The following PRAG1 variants were observed in gnomAD, a reference collection of about 807,000 sequenced individuals.
The protein encoded by PRAG1 is PEAK1 related, kinase-activating pseudokinase 1.
In PRAG1, 110 loss-of-function variants were observed where a neutral mutation model predicts 95.6. The observed-to-expected ratio is 1.15, with a 90% CI of 0.99 to 1.35. The LOEUF (loss-of-function observed/expected upper bound fraction) is 1.35, where lower values mean the gene tolerates loss of function less well. Ranked by LOEUF, PRAG1 falls within the 40% of genes most tolerant of loss-of-function variation. The pLI is 0.00. For missense variants in PRAG1, 2,554 were observed against 1,864.7 expected (o/e 1.37, Z -6.81); for synonymous variants, 1,052 against 819.4 (o/e 1.28, Z -4.85).
At chr8:8,323,344 A>G (rs1798531614) in intron 5 of PRAG1, among the ~76,000 whole-genome samples, 1 of 139,110 alleles carries the variant, frequency 7.2e-6, no homozygotes, top group Non-Finnish European at 1.5e-5. Flanking sequence ...TTTGAGATAG[A>G]GTCTTGCTCT....
intron 1 of PRAG1, among the ~76,000 whole-genome samples, chr8:8,383,511 G>A (rs1800752458): frequency 6.6e-6 from 1 of 152,026 alleles, no homozygotes; most frequent in Non-Finnish European, 1.5e-5. Context: ...AGCCCAGGAG[G>A]TCAAGGCTGC....
intron 3 of PRAG1, among the ~76,000 whole-genome samples, chr8:8,363,088 C>CGT (rs938777527): frequency 3.4e-5 from 5 of 147,122 alleles, no homozygotes; most frequent in South Asian, 2.1e-4. Flanking sequence ...TATATGTGTG[C>CGT]GTGTGTATAT....
chr8:8,379,283 C>A (rs1384768880), intron 2 of PRAG1, among the ~76,000 whole-genome samples: 1 of 152,200 alleles, frequency 6.6e-6, no homozygotes, highest in Non-Finnish European at 1.5e-5. Flanking sequence ...ACTCGTTGGG[C>A]TATGAGACAG....
intron 1 of PRAG1, among the ~76,000 whole-genome samples, chr8:8,386,106 C>G (rs1476131616): frequency 6.6e-6 from 1 of 152,200 alleles, no homozygotes; most frequent in Admixed American, 6.5e-5. Context: ...CAAAAACACC[C>G]TCCAGCTCCT....
In PRAG1 at chr8:8,332,915, A is replaced by G. The variant is rs192587841; in HGVS notation, c.2321-4454T>C. ...TCTTACTGTTTGCAACGGCTGCCAC[A>G]CTCTGGATTAGGCAAGCTGGAAATA... On this transcript the variant is annotated intron_variant, in intron 4 of 5. Coordinates refer to ENST00000615670, the MANE Select transcript of PRAG1 (RefSeq NM_001080826.3). Among the ~76,000 whole-genome samples the G allele has an allele frequency of 3.7e-4, 56 of 150,858 alleles. 1 individual carries two copies. The South Asian group carries it at 8.7e-3, about 23-fold the overall frequency.
chr8:8,380,962 G>A (rs1439401857), intron 2 of PRAG1, among the ~76,000 whole-genome samples: 43 of 152,078 alleles, frequency 2.8e-4, no homozygotes, highest in Non-Finnish European at 2.9e-5. Flanking sequence ...TGTGATATCT[G>A]GGTTTGCTTT....
chr8:8,329,128 C>T (rs1321525502), intron 4 of PRAG1, among the ~76,000 whole-genome samples: 5 of 152,104 alleles, frequency 3.3e-5, no homozygotes, highest in African/African-American at 1.2e-4. Flanking sequence ...TGCGGCGGCT[C>T]ATGCTTGTAA....
At chr8:8,372,857 A>G (rs1800256177) in intron 3 of PRAG1, among the ~76,000 whole-genome samples, 1 of 152,194 alleles carries the variant, frequency 6.6e-6, no homozygotes, top group South Asian at 2.1e-4. Flanking sequence ...AAAAGAGAAA[A>G]TCATTCCCCG....
rs367672458 is a variant in PRAG1 at position 8,318,333 on chromosome 8, A to C, written c.4042T>G (p.Cys1348Gly). 1 of 1,614,072 alleles carries C rather than the reference A, an allele frequency of 6.2e-7. No homozygotes were observed. ...TCGATCCAGTTGTGCAGCGTGCCGC[A>C]CAGCGCCTCCTCCGAGGTGCCCGGC... is the stretch of plus-strand genomic sequence containing the variant. ...QQPGTSEEAL[C>G]GTLHNWIDMK... Residue 1348 changes from cysteine to glycine, a missense_variant, in exon 6 of 6, where the codon TGC becomes GGC. Cys to Gly is a radical substitution (Grantham distance 159, BLOSUM62 -3). Transcript: ENST00000615670. The surrounding 1 kb of genome is among the most constrained non-coding windows in gnomAD (Gnocchi z 4.2).
In PRAG1 at chr8:8,328,151, G is replaced by C; in HGVS notation, c.2631C>G (p.Ser877=). The change falls in exon 5 of 6, where the codon TCC becomes TCG. Residue 877 remains serine, a synonymous_variant. Transcript: ENST00000615670. ...AAGCTTTCTCCAGAGGATCGGAAGA[G>C]GAGAAGACAGGATGGTGGCGGTTCC... ...SPGNRHHPVF[S]SSDPLEKAFK... is the part of the protein sequence containing the mutation. The C allele has an allele frequency of 6.2e-7, 1 of 1,613,520 alleles. No homozygotes were observed. The highest frequency in any genetic ancestry group is 8.5e-7 in the Non-Finnish European group (1 of 1,179,356).
chr8:8,331,937 T>G (rs1798833158), intron 4 of PRAG1, among the ~76,000 whole-genome samples: 1 of 152,136 alleles, frequency 6.6e-6, no homozygotes, highest in Non-Finnish European at 1.5e-5. Flanking sequence ...TGATTAATTT[T>G]TCTTTGTTTC....
At chr8:8,339,916 GA>G (rs1044133792) in intron 3 of PRAG1, among the ~76,000 whole-genome samples, 1 of 152,142 alleles carries the variant, frequency 6.6e-6, no homozygotes, top group Non-Finnish European at 1.5e-5. Flanking sequence ...TTCATATTCT[GA>G]CCCCATCTGC....
intron 3 of PRAG1, among the ~76,000 whole-genome samples, chr8:8,342,913 A>C (rs1242743376): frequency 1.3e-5 from 2 of 152,194 alleles, no homozygotes; most frequent in African/African-American, 4.8e-5. Context: ...GACTACTTTA[A>C]AATTTAAAAC....
rs1799102172 is a variant in PRAG1, at chr8:8,339,599, C to G, written c.2199G>C (p.Leu733Phe). ...CTGCAGAGCCCTGGCTCACTTTTTCCAAATCAGAGCTGCTCTTGTTCATTT... is the reference window on the plus strand; with the variant it reads ...CTGCAGAGCCCTGGCTCACTTTTTCGAAATCAGAGCTGCTCTTGTTCATTT... ...LLKMNKSSSDLEKVSQGSAES... is the reference protein window; with the variant it reads ...LLKMNKSSSDFEKVSQGSAES... Residue 733 changes from leucine (L) to phenylalanine (F), a missense_variant, in exon 4 of 6, where the codon TTG becomes TTC. Physicochemically the swap from Leu to Phe is conservative, Grantham distance 22. Coordinates refer to ENST00000615670, the MANE Select transcript of PRAG1 (RefSeq NM_001080826.3). 4 of 1,613,708 alleles carry G rather than the reference C, an allele frequency of 2.5e-6. No individual in the cohort carries two copies. The highest frequency in any genetic ancestry group is 3.4e-6 in the Non-Finnish European group (4 of 1,179,756).
intron 3 of PRAG1, among the ~76,000 whole-genome samples, chr8:8,354,047 A>T (rs1007748811): frequency 6.6e-6 from 1 of 152,128 alleles, no homozygotes; most frequent in Non-Finnish European, 1.5e-5. Flanking sequence ...CCCTAGATAG[A>T]CTAAGAAAAT....
At chr8:8,381,342 T>C in intron 2 of PRAG1, 76 bp downstream of exon 2, 1 of 1,457,376 alleles carries the variant, frequency 6.9e-7, no homozygotes, top group Non-Finnish European at 9.3e-7. Context: ...CAGCCCTCCC[T>C]GGCTGCCAGC....
intron 4 of PRAG1, among the ~76,000 whole-genome samples, chr8:8,328,958 T>C (rs1487506457): frequency 1.3e-5 from 2 of 152,216 alleles, no homozygotes; most frequent in African/African-American, 2.4e-5. Flanking sequence ...AATTTAACCA[T>C]CCCTTTTTGA....
intron 5 of PRAG1, among the ~76,000 whole-genome samples, chr8:8,324,558 C>T (rs1057024359): frequency 6.6e-6 from 1 of 152,158 alleles, no homozygotes; most frequent in East Asian, 1.9e-4. Context: ...TTTTCTCCAT[C>T]TCCATCTCCC....
rs1460095688 is a variant in PRAG1, at chr8:8,339,598, C to G, written c.2200G>C (p.Glu734Gln). The change falls in exon 4 of 6, where the codon GAA (glutamate) becomes CAA (glutamine). Residue 734 changes from glutamate (E) to glutamine (Q), a missense_variant. Transcript: ENST00000615670. The stretch of plus-strand genomic sequence containing the variant: ...TCTGCAGAGCCCTGGCTCACTTTTT[C>G]CAAATCAGAGCTGCTCTTGTTCATT... ...LKMNKSSSDL[E>Q]KVSQGSAESL... 6.2e-7 allele frequency: 1 copy of G among 1,613,912 alleles called. No homozygotes were observed. Among genetic ancestry groups the G allele is most frequent in the Non-Finnish European group, 8.5e-7 (1 of 1,179,844 alleles).
Sources: allele counts gnomAD v4.1 joint callset (sites outside exome capture counted in the v4.1 genomes callset), GRCh38; gene constraint gnomAD v4.1.1; non-coding constraint Gnocchi (gnomAD v3.1); transcripts MANE v1.5; gene names NCBI Gene and HGNC (gene_info 2026-07-23, HGNC 2026-07-21).